Variants in TRAF3 observed in about 807,000 individuals in gnomAD.
TRAF3 encodes TNF receptor-associated factor 3.
Under a neutral mutation model 62.3 loss-of-function variants are expected in TRAF3, and 13 were observed. The observed-to-expected ratio is 0.21, with a 90% confidence interval of 0.14 to 0.33. TRAF3 has a LOEUF of 0.33. Among genes scored for constraint, TRAF3 ranks in the 10% least tolerant of loss-of-function variants. TRAF3 has a pLI of 1.00. For missense variants in TRAF3, 440 were observed against 741.8 expected (o/e 0.59, Z 4.73); for synonymous variants, 269 against 283.4 (o/e 0.95, Z 0.51).
intron 1 of TRAF3, among the ~76,000 whole-genome samples, chr14:102,816,013 A>G (rs1052959420): frequency 2.6e-5 from 4 of 152,156 alleles, no homozygotes; most frequent in South Asian, 2.1e-4. Flanking sequence ...TCTCCATTGA[A>G]TGGTCTTGGT....
chr14:102,900,681 G>A (rs115076337), intron 10 of TRAF3, among the ~76,000 whole-genome samples: 3,172 of 152,276 alleles, frequency 0.021, 101 homozygotes, highest in African/African-American at 0.071. Flanking sequence ...CGGCACCACC[G>A]GGCTTCTCAC....
At chr14:102,857,596 A>G (rs1477558684) in intron 2 of TRAF3, among the ~76,000 whole-genome samples, 1 of 152,200 alleles carries the variant, frequency 6.6e-6, no homozygotes, top group Non-Finnish European at 1.5e-5. Flanking sequence ...TTGAGGTCCC[A>G]AGATGGCGTG....
chr14:102,877,597 C>T lies in TRAF3; in HGVS notation c.570+1072C>T, dbSNP rs190826430. The stretch of plus-strand genomic sequence containing the variant: ...TAATCCATTCCACAGGCCTTCCGCT[C>T]AGCTCATAATCTGTTCCACAGGCCT... On this transcript the variant is annotated intron_variant, in intron 6 of 11. Transcript: ENST00000392745. Among the ~76,000 whole-genome samples the T allele has an allele frequency of 2.9e-3, 386 of 131,412 alleles. 5 individuals are homozygous for T. The highest frequency in any genetic ancestry group is 2.1e-3 in the South Asian group (8 of 3,856). The allele number at this position is 131,412 out of a possible 152,430, so 86.2% of individuals were successfully genotyped here. A position where few individuals can be genotyped will look rare whatever the true frequency, so the allele number is the denominator to read the frequency against.
At chr14:102,858,184 C>T (rs536975454) in intron 2 of TRAF3, among the ~76,000 whole-genome samples, 204 of 151,134 alleles carry the variant, frequency 1.3e-3, no homozygotes, top group African/African-American at 4.7e-3. Flanking sequence ...GACAGTCTCA[C>T]TCTGTCGCCC....
chr14:102,883,480 G>A (rs1889184480), intron 6 of TRAF3, among the ~76,000 whole-genome samples: 1 of 152,226 alleles, frequency 6.6e-6, no homozygotes, highest in African/African-American at 2.4e-5. Flanking sequence ...GGGAGAATGA[G>A]GGTGAGATGG....
At chr14:102,778,124 T>C (rs1897107258) in intron 1 of TRAF3, among the ~76,000 whole-genome samples, 3 of 148,318 alleles carry the variant, frequency 2.0e-5, no homozygotes, top group Admixed American at 2.0e-4. Context: ...GGCCCGGGCG[T>C]TATTGGAAAG....
At chr14:102,812,868 G>A (rs1218442410) in intron 1 of TRAF3, among the ~76,000 whole-genome samples, 2 of 151,990 alleles carry the variant, frequency 1.3e-5, no homozygotes, top group East Asian at 2.0e-4. Flanking sequence ...GCAGTGAGCC[G>A]AGATAGCGCC....
chr14:102,833,749 C>G lies in TRAF3; in HGVS notation c.-18+3277C>G, dbSNP rs146484252. Reference sequence around the variant, plus strand: ...GTGGCTCACGCTTGTAATCCCAGCTCTTTGGGAGGTCGAGGCGGGTGGATC... The same window carrying G: ...GTGGCTCACGCTTGTAATCCCAGCTGTTTGGGAGGTCGAGGCGGGTGGATC... On this transcript the variant is annotated intron_variant, in intron 2 of 11. Transcript: ENST00000392745. 7.6e-3 allele frequency among the ~76,000 whole-genome samples: 1,157 copies of G among 152,262 alleles called. 6 individuals are homozygous for G. The highest frequency in any genetic ancestry group is 0.011 in the Non-Finnish European group (717 of 68,008).
chr14:102,858,372 C>T (rs1268072441), intron 2 of TRAF3, among the ~76,000 whole-genome samples: 2 of 152,138 alleles, frequency 1.3e-5, no homozygotes, highest in Non-Finnish European at 2.9e-5. Flanking sequence ...ATGCTGGTCT[C>T]GAACTCCCAA....
chr14:102,814,869 A>C lies in TRAF3; in HGVS notation c.-156-15465A>C, dbSNP rs114914039. On this transcript the variant is annotated intron_variant, in intron 1 of 11. Transcript: ENST00000392745. ...GTTCTTTGATGTACAAAAGTTTTTA[A>C]CTTTAAATGAAGTCCAGTTTATCTA... Among the ~76,000 whole-genome samples the C allele has an allele frequency of 5.2e-3, 794 of 152,192 alleles. 4 individuals are homozygous for C. The highest frequency in any genetic ancestry group is 0.018 in the African/African-American group (762 of 41,532).
At position 102,905,475 on chromosome 14, in the gene TRAF3, G is replaced by A. The variant is rs1241584471; in HGVS notation, c.1398G>A (p.Gly466=). Residue 466 remains glycine, a synonymous_variant, in exon 12 of 12, where the codon GGG becomes GGA. Coordinates refer to ENST00000392745, the MANE Select transcript of TRAF3 (RefSeq NM_145725.3). The stretch of plus-strand genomic sequence containing the variant: ...TCTACCTGAACGGGGACGGGATGGG[G>A]AAGGGGACGCACTTGTCGCTGTTTT... ...ARVYLNGDGM[G]KGTHLSLFFV... 4 of 1,614,142 alleles carry A rather than the reference G, an allele frequency of 2.5e-6. No homozygotes were observed. Among genetic ancestry groups the A allele is most frequent in the Non-Finnish European group, 3.4e-6 (4 of 1,180,048 alleles).
chr14:102,856,743 G>C (rs1286136695), intron 2 of TRAF3, among the ~76,000 whole-genome samples: 1 of 152,004 alleles, frequency 6.6e-6, no homozygotes, highest in South Asian at 2.1e-4. Flanking sequence ...TTTTACAGCA[G>C]AACCCTTAAT....
intron 1 of TRAF3, among the ~76,000 whole-genome samples, chr14:102,785,762 T>A (rs549348516): frequency 6.6e-6 from 1 of 152,196 alleles, no homozygotes; most frequent in African/African-American, 2.4e-5. Flanking sequence ...CAGTGGTGGC[T>A]GAGCAGAGAT....
intron 1 of TRAF3, among the ~76,000 whole-genome samples, chr14:102,816,409 G>A (rs143702327): frequency 1.3e-5 from 2 of 152,232 alleles, no homozygotes; most frequent in East Asian, 3.9e-4. Flanking sequence ...CGATTGTACA[G>A]GCCACAGGCT....
At position 102,840,478 on chromosome 14, in the gene TRAF3, G is replaced by A. The variant is rs972213421; in HGVS notation, c.-18+10006G>A. On this transcript the variant is annotated intron_variant, in intron 2 of 11. Coordinates refer to ENST00000392745, the MANE Select transcript of TRAF3 (RefSeq NM_145725.3). ...AACTCTGAGCTCAAGCAGTCCTCCC[G>A]TCTTAGCCTCCCAAAGTGCTGAGAT... Among the ~76,000 whole-genome samples the A allele has an allele frequency of 3.9e-5, 6 of 151,902 alleles. No homozygotes were observed. The South Asian group carries it at 6.2e-4, about 16-fold the overall frequency.
intron 2 of TRAF3, among the ~76,000 whole-genome samples, chr14:102,859,461 A>G (rs1265774658): frequency 2.6e-5 from 4 of 152,358 alleles, no homozygotes; most frequent in African/African-American, 4.8e-5. Context: ...CTAACTCCAC[A>G]TGTCCCTAGG....
intron 2 of TRAF3, among the ~76,000 whole-genome samples, chr14:102,861,283 A>G (rs145056336): frequency 6.6e-6 from 1 of 152,332 alleles, no homozygotes; most frequent in East Asian, 1.9e-4. Context: ...AGATTAATCC[A>G]AAGAGAATAG....
intron 2 of TRAF3, among the ~76,000 whole-genome samples, chr14:102,861,904 T>A (rs1268509194): frequency 1.3e-5 from 2 of 152,238 alleles, no homozygotes; most frequent in African/African-American, 4.8e-5. Context: ...TGTCTTTTTG[T>A]GGTTGAGTTA....
At chr14:102,819,557 A>G (rs1387186778) in intron 1 of TRAF3, among the ~76,000 whole-genome samples, 1 of 152,216 alleles carries the variant, frequency 6.6e-6, no homozygotes, top group African/African-American at 2.4e-5. Flanking sequence ...TCTCCTGGCC[A>G]TTAAAGGTGC....
Sources: gnomAD v4.1 joint callset for allele counts (sites outside exome capture counted in the v4.1 genomes callset) on GRCh38, gnomAD v4.1.1 for gene constraint, MANE v1.5 for transcripts, NCBI Gene and HGNC (gene_info 2026-07-23, HGNC 2026-07-21) for gene names.